The following CSMD3 variants were observed in gnomAD, a reference collection of about 807,000 sequenced individuals.
CSMD3 encodes CUB and Sushi multiple domains 3, also known as CUB and sushi domain-containing protein 3.
Under a neutral mutation model 435.2 loss-of-function variants are expected in CSMD3, and 177 were observed. The ratio of observed to expected loss-of-function variants is 0.41; its 90% CI spans 0.36 to 0.46. CSMD3 has a LOEUF of 0.46. CSMD3 is among the 20% of genes least tolerant of loss of function. The pLI, the probability that CSMD3 is intolerant of heterozygous loss-of-function variation, is 0.34. For missense variants in CSMD3, 4,265 were observed against 4,504.6 expected (o/e 0.95, Z 1.52); for synonymous variants, 1,656 against 1,520.5 (o/e 1.09, Z -2.07).
chr8:113,279,644 T>A lies in CSMD3; in HGVS notation c.402-940A>T, dbSNP rs538508121. ...TAATGGGAGATTTGTTTTGTTTTTT[T>A]AATTTTAATCAATGAGAGAACAAAA... is the stretch of plus-strand genomic sequence containing the variant. On this transcript the variant is annotated intron_variant, in intron 2 of 70. Transcript: ENST00000297405. Among the ~76,000 whole-genome samples the A allele has an allele frequency of 1.1e-4, 16 of 151,898 alleles. No homozygotes were observed. The South Asian group carries it at 3.1e-3, about 30-fold the overall frequency.
intron 7 of CSMD3, among the ~76,000 whole-genome samples, chr8:112,961,951 A>T (rs1353125894): frequency 6.6e-6 from 1 of 151,960 alleles, no homozygotes; most frequent in African/African-American, 2.4e-5. Flanking sequence ...CTCTTTAGGG[A>T]TTCTTATAAT....
chr8:112,350,837 A>G (rs1418732516), intron 40 of CSMD3, among the ~76,000 whole-genome samples: 1 of 152,116 alleles, frequency 6.6e-6, no homozygotes, highest in Admixed American at 6.5e-5. Context: ...AATAGTAAGC[A>G]ATAGAATATT....
At chr8:112,492,868 C>G (rs746139993) in intron 30 of CSMD3, among the ~76,000 whole-genome samples, 185 bp from the exon 31 acceptor site, 3 of 151,656 alleles carry the variant, frequency 2.0e-5, no homozygotes, top group South Asian at 2.1e-4. Context: ...GTATAACAAC[C>G]GTTTACCTAG....
At chr8:113,161,250 T>TA (rs1271360856) in intron 4 of CSMD3, among the ~76,000 whole-genome samples, 1 of 152,124 alleles carries the variant, frequency 6.6e-6, no homozygotes, top group Non-Finnish European at 1.5e-5. Context: ...TAAGAAGAAT[T>TA]ACCATCATTG....
At chr8:112,907,908 T>A (rs2082305859) in intron 10 of CSMD3, among the ~76,000 whole-genome samples, 1 of 151,390 alleles carries the variant, frequency 6.6e-6, no homozygotes, top group African/African-American at 2.4e-5. Context: ...ATGAGAATAG[T>A]TACATGATTA....
At chr8:112,536,690 A>G (rs1369626248) in intron 27 of CSMD3, among the ~76,000 whole-genome samples, 3 of 150,460 alleles carry the variant, frequency 2.0e-5, no homozygotes, top group Non-Finnish European at 4.4e-5. Flanking sequence ...AAGGACTATA[A>G]TTCATGCTGC....
chr8:113,066,882 T>C (rs1444397359), intron 5 of CSMD3, among the ~76,000 whole-genome samples: 1 of 152,114 alleles, frequency 6.6e-6, no homozygotes, highest in Non-Finnish European at 1.5e-5. Context: ...GTAAGTCTAA[T>C]ATGCTATTCC....
At chr8:112,646,641 G>T (rs1242743040) in intron 19 of CSMD3, among the ~76,000 whole-genome samples, 2 of 152,106 alleles carry the variant, frequency 1.3e-5, no homozygotes, top group Non-Finnish European at 2.9e-5. Context: ...AGGAGGAATG[G>T]TCAACAACTA....
intron 57 of CSMD3, 142 bp downstream of exon 57, chr8:112,289,223 G>A: frequency 1.3e-6 from 1 of 750,722 alleles, no homozygotes; most frequent in Non-Finnish European, 2.4e-6. Context: ...TAATGTGTAA[G>A]CAGTGTTTCA....
intron 4 of CSMD3, among the ~76,000 whole-genome samples, chr8:113,161,723 G>A (rs539329451): frequency 1.3e-5 from 2 of 152,180 alleles, no homozygotes; most frequent in African/African-American, 4.8e-5. Context: ...GTTTACACTA[G>A]CTTAGAGGAT....
At chr8:112,383,458 T>C (rs1244265237) in intron 37 of CSMD3, 109 bp downstream of exon 37, 2 of 694,884 alleles carry the variant, frequency 2.9e-6, no homozygotes, top group Non-Finnish European at 5.2e-6. Context: ...GTGTATAGTT[T>C]GTAAAAAGCA....
intron 23 of CSMD3, among the ~76,000 whole-genome samples, chr8:112,586,392 C>T (rs1248027089): frequency 4.6e-5 from 7 of 150,870 alleles, no homozygotes; most frequent in Admixed American, 3.3e-4. Flanking sequence ...ACTATATTTA[C>T]CAAAATATTT....
At chr8:112,799,994 A>G (rs1334260346) in intron 13 of CSMD3, among the ~76,000 whole-genome samples, 168 bp downstream of exon 13, 2 of 152,026 alleles carry the variant, frequency 1.3e-5, no homozygotes, top group East Asian at 1.9e-4. Context: ...TTATTTAAAG[A>G]TAAGTGTAAT....
At chr8:113,073,861 A>T (rs760844882) in intron 5 of CSMD3, among the ~76,000 whole-genome samples, 1 of 151,830 alleles carries the variant, frequency 6.6e-6, no homozygotes, top group Non-Finnish European at 1.5e-5. Flanking sequence ...CTAATTAATT[A>T]CAGGCTTTGC....
intron 6 of CSMD3, among the ~76,000 whole-genome samples, chr8:113,018,483 A>G (rs1042296502): frequency 6.6e-6 from 1 of 152,166 alleles, no homozygotes; most frequent in African/African-American, 2.4e-5. Flanking sequence ...GTCTGAAGAT[A>G]AAGTACACTA....
chr8:113,032,447 G>A (rs1479738014), intron 5 of CSMD3, among the ~76,000 whole-genome samples: 1 of 151,590 alleles, frequency 6.6e-6, no homozygotes, highest in Non-Finnish European at 1.5e-5. Context: ...TTTTGCTTCT[G>A]CTCTAGAGAT....
intron 4 of CSMD3, among the ~76,000 whole-genome samples, chr8:113,161,247 A>G (rs970846689): frequency 6.6e-6 from 1 of 152,132 alleles, no homozygotes; most frequent in Non-Finnish European, 1.5e-5. Flanking sequence ...GTGTAAGAAG[A>G]ATTACCATCA....
intron 3 of CSMD3, among the ~76,000 whole-genome samples, chr8:113,257,032 G>A (rs2093386727): frequency 1.3e-5 from 2 of 152,150 alleles, no homozygotes; most frequent in South Asian, 2.1e-4. Context: ...TGTACAGAAT[G>A]AGACCTTAGT....
At position 112,573,676 on chromosome 8, in the gene CSMD3, A is replaced by G. The variant is rs781024676; in HGVS notation, c.3886-19T>C. On this transcript the variant is annotated intron_variant, in intron 23 of 70. Coordinates refer to ENST00000297405, the MANE Select transcript of CSMD3 (RefSeq NM_198123.2). ...CATAAATCTGCAAAATATATTTATA[A>G]TTAAAATGTAAATGTGCCAATAATA... 6.5e-7 allele frequency: 1 copy of G among 1,532,446 alleles called. No individual in the cohort carries two copies. Among genetic ancestry groups the G allele is most frequent in the East Asian group, 2.3e-5 (1 of 43,992 alleles). The allele number at this position is 1,532,446 out of a possible 1,614,324, so 94.9% of individuals were successfully genotyped here.
Sources: allele counts gnomAD v4.1 joint callset (sites outside exome capture counted in the v4.1 genomes callset), GRCh38; gene constraint gnomAD v4.1.1; transcripts MANE v1.5; gene names NCBI Gene and HGNC (gene_info 2026-07-23, HGNC 2026-07-21).